Variants in WWOX observed in about 807,000 individuals in gnomAD.
WWOX encodes WW domain containing oxidoreductase.
In WWOX, 69 loss-of-function variants were observed where a neutral mutation model predicts 46.2. That is an observed-to-expected ratio of 1.49 (90% confidence interval 1.23 to 1.82). WWOX has a LOEUF of 1.82. Among genes scored for constraint, WWOX ranks in the 40% most tolerant of loss-of-function variants. WWOX has a pLI of 0.00. For missense variants in WWOX, 919 were observed against 542.6 expected (o/e 1.69, Z -6.89); for synonymous variants, 359 against 202.6 (o/e 1.77, Z -6.56).
At position 78,797,503 on chromosome 16, in the gene WWOX, G is replaced by C. The variant is rs1397130546; in HGVS notation, c.1056+364751G>C. 2.0e-5 allele frequency among the ~76,000 whole-genome samples: 3 copies of C among 152,162 alleles called. No individual in the cohort carries two copies. In the East Asian group the frequency reaches 5.8e-4, roughly 29 times the overall value. On this transcript the variant is annotated intron_variant, in intron 8 of 8. Transcript: ENST00000566780. ...AGAGATGTTCTCGAGGCAGCCTGGAGTCAAGACAAGAGTGCCAGCCAGGAT... is the reference window on the plus strand; with the variant it reads ...AGAGATGTTCTCGAGGCAGCCTGGACTCAAGACAAGAGTGCCAGCCAGGAT...
Position 78,333,747 on chromosome 16 carries a change from C to T in WWOX, c.517-53113C>T, listed in dbSNP as rs183893545. Among the ~76,000 whole-genome samples the T allele has an allele frequency of 1.4e-3, 212 of 152,282 alleles. 1 individual carries two copies. The highest frequency in any genetic ancestry group is 4.6e-3 in the African/African-American group (193 of 41,564). On this transcript the variant is annotated intron_variant, in intron 5 of 8. Coordinates refer to ENST00000566780, the MANE Select transcript of WWOX (RefSeq NM_016373.4). ...CATGAAATAAAATTTCAAATGGTTC[C>T]TCTGTTCAGCAAACGTGACCCAAAG...
intron 8 of WWOX, among the ~76,000 whole-genome samples, chr16:78,494,750 G>A (rs989185057): frequency 2.0e-5 from 3 of 152,228 alleles, no homozygotes; most frequent in East Asian, 1.9e-4. Context: ...CACATTGAGC[G>A]TTTTGTCAAT....
chr16:78,747,729 G>C (rs8063056), intron 8 of WWOX, among the ~76,000 whole-genome samples: 1 of 152,130 alleles, frequency 6.6e-6, no homozygotes, highest in African/African-American at 2.4e-5. Flanking sequence ...TCCCTAGAGC[G>C]TCAGCCCATG....
intron 8 of WWOX, among the ~76,000 whole-genome samples, chr16:79,062,640 G>C (rs62040127): frequency 1.3e-5 from 2 of 151,632 alleles, no homozygotes; most frequent in African/African-American, 2.4e-5. Context: ...AAAAAAAAAG[G>C]CTTTTCTGCA....
At chr16:78,581,279 A>G (rs114415602) in intron 8 of WWOX, among the ~76,000 whole-genome samples, 78 of 152,334 alleles carry the variant, frequency 5.1e-4, no homozygotes, top group African/African-American at 1.5e-3. Flanking sequence ...GCATGTGGCT[A>G]TTGTATTCAT....
chr16:78,709,985 C>G (rs2048405320), intron 8 of WWOX, among the ~76,000 whole-genome samples: 1 of 152,152 alleles, frequency 6.6e-6, no homozygotes, highest in Admixed American at 6.5e-5. Flanking sequence ...CCCTCCTTGT[C>G]CTCCCAAAGT....
rs981785481 is a variant in WWOX at position 78,603,293 on chromosome 16, C to T, written c.1056+170541C>T. On this transcript the variant is annotated intron_variant, in intron 8 of 8. Transcript: ENST00000566780. ...GGTGACTGGAGGAGCCAGAAGGTCC[C>T]TTTGGGCCTGTCCTCTCACCAGCAT... 2.0e-5 allele frequency among the ~76,000 whole-genome samples: 3 copies of T among 152,314 alleles called. No individual in the cohort carries two copies. In the East Asian group the frequency reaches 5.8e-4, roughly 29 times the overall value.
chr16:79,039,273 C>T (rs967001703), intron 8 of WWOX, among the ~76,000 whole-genome samples: 4 of 152,044 alleles, frequency 2.6e-5, no homozygotes, highest in Non-Finnish European at 5.9e-5. Flanking sequence ...GTGCATAAGC[C>T]ATTAACCTCT....
intron 8 of WWOX, among the ~76,000 whole-genome samples, chr16:78,954,367 C>T (rs2151305365): frequency 6.6e-6 from 1 of 151,810 alleles, no homozygotes; most frequent in Non-Finnish European, 1.5e-5. Flanking sequence ...TGGATGGATG[C>T]ATGGATGTTT....
At chr16:79,002,100 G>A (rs75021962) in intron 8 of WWOX, among the ~76,000 whole-genome samples, 1 of 151,906 alleles carries the variant, frequency 6.6e-6, no homozygotes, top group South Asian at 2.1e-4. Flanking sequence ...GGCAGGCAGT[G>A]AAACCTGAAT....
intron 8 of WWOX, among the ~76,000 whole-genome samples, chr16:78,808,952 G>A (rs1440234689): frequency 7.2e-5 from 11 of 152,182 alleles, no homozygotes. Context: ...AATGTCATGC[G>A]CTTGATCTAA....
intron 4 of WWOX, among the ~76,000 whole-genome samples, chr16:78,156,911 A>G (rs1446053048): frequency 1.3e-5 from 2 of 152,150 alleles, no homozygotes; most frequent in Non-Finnish European, 2.9e-5. Context: ...AGCCCGGGTG[A>G]CAGAGTGAGA....
chr16:78,232,032 T>C lies in WWOX; in HGVS notation c.516+67743T>C, dbSNP rs76999375. On this transcript the variant is annotated intron_variant, in intron 5 of 8. Coordinates refer to ENST00000566780, the MANE Select transcript of WWOX (RefSeq NM_016373.4). Reference sequence around the variant, plus strand: ...CCTGTGAATAAGGCAAGTTCCTTTTTATCATTGTCTTTGCAGTCTATTAGG... The same window carrying C: ...CCTGTGAATAAGGCAAGTTCCTTTTCATCATTGTCTTTGCAGTCTATTAGG... Among the ~76,000 whole-genome samples the C allele has an allele frequency of 4.1e-3, 622 of 152,316 alleles. 7 individuals carry two copies. The highest frequency in any genetic ancestry group is 0.014 in the African/African-American group (595 of 41,584).
At chr16:78,918,339 C>T (rs546066285) in intron 8 of WWOX, among the ~76,000 whole-genome samples, 2 of 152,218 alleles carry the variant, frequency 1.3e-5, no homozygotes, top group African/African-American at 4.8e-5. Context: ...TTTCTCTCTT[C>T]CTTTTCCTAA....
chr16:78,384,607 T>C (rs1597139895), intron 5 of WWOX, among the ~76,000 whole-genome samples: 1 of 152,258 alleles, frequency 6.6e-6, no homozygotes, highest in South Asian at 2.1e-4. Flanking sequence ...GCAGACCCTC[T>C]AGCTCTGTTA....
At chr16:78,602,417 G>A (rs147522999) in intron 8 of WWOX, among the ~76,000 whole-genome samples, 2,443 of 152,120 alleles carry the variant, frequency 0.016, 50 homozygotes, top group East Asian at 0.069. Context: ...TATTTTTAGT[G>A]GAGACGGGGT....
chr16:78,937,034 G>C (rs949029513), intron 8 of WWOX, among the ~76,000 whole-genome samples: 1 of 152,124 alleles, frequency 6.6e-6, no homozygotes, highest in Admixed American at 6.5e-5. Context: ...TACTAAACCT[G>C]GTCCTGGAAA....
intron 4 of WWOX, among the ~76,000 whole-genome samples, chr16:78,144,450 C>CACACATATATATATAT (rs1171090089): frequency 8.0e-5 from 2 of 24,936 alleles, no homozygotes; most frequent in Non-Finnish European, 1.5e-4. Context: ...TATATATACA[C>CACACATATATATATAT]ATATATATAT....
chr16:78,996,291 A>T (rs574937782), intron 8 of WWOX: 2 of 984,596 alleles, frequency 2.0e-6, no homozygotes, highest in Non-Finnish European at 2.4e-6. Flanking sequence ...TCCCTGGAAG[A>T]TGGATCTTGC....
Sources: allele counts gnomAD v4.1 joint callset (sites outside exome capture counted in the v4.1 genomes callset), GRCh38; gene constraint gnomAD v4.1.1; transcripts MANE v1.5; gene names NCBI Gene and HGNC (gene_info 2026-07-23, HGNC 2026-07-21).